SYCP2L: variants seen among roughly 807,000 people sequenced by gnomAD.
SYCP2L encodes synaptonemal complex protein 2-like.
SYCP2L carries 98 observed loss-of-function variants against 125.8 expected under a neutral mutation model. That is an observed-to-expected ratio of 0.78 (90% CI 0.66 to 0.92). The LOEUF (loss-of-function observed/expected upper bound fraction) is 0.92, where lower values mean the gene tolerates loss of function less well. Among genes scored for constraint, SYCP2L ranks in the 40% least tolerant of loss-of-function variants. The probability of loss-of-function intolerance (pLI) is 0.00; values close to 1 mark genes in which losing one functional copy is unlikely to be tolerated. For missense variants in SYCP2L, 842 were observed against 936.4 expected (o/e 0.90, Z 1.32); for synonymous variants, 317 against 325.4 (o/e 0.97, Z 0.28).
At chr6:10,906,416 C>G (rs981001956) in intron 9 of SYCP2L, among the ~76,000 whole-genome samples, 2 of 152,072 alleles carry the variant, frequency 1.3e-5, no homozygotes. Context: ...TATTTTTCTA[C>G]TTTTACTCTG....
chr6:10,893,905 A>G lies in SYCP2L; in HGVS notation c.117A>G (p.Gly39=). ...SLITDAFHDK[G]FQKIKEYFQQ... ...TTACGGATGCATTCCATGATAAAGG[A>G]TTTCAGAAAATAAAAGAATACTTTC... The change falls in exon 3 of 30, where the codon GGA becomes GGG. Residue 39 remains glycine, a synonymous_variant. Coordinates refer to ENST00000283141, the MANE Select transcript of SYCP2L (RefSeq NM_001040274.3). 1.2e-6 allele frequency: 2 copies of G among 1,610,820 alleles called. No homozygotes were observed. Among genetic ancestry groups the G allele is most frequent in the Non-Finnish European group, 1.7e-6 (2 of 1,179,290 alleles).
intron 1 of SYCP2L, among the ~76,000 whole-genome samples, chr6:10,888,401 A>T (rs1780118613): frequency 6.6e-6 from 1 of 151,858 alleles, no homozygotes; most frequent in Non-Finnish European, 1.5e-5. Context: ...GGCTATCATC[A>T]TGTTTTTTAA....
chr6:10,900,445 C>T (rs978589400), intron 6 of SYCP2L, among the ~76,000 whole-genome samples: 4 of 151,978 alleles, frequency 2.6e-5, no homozygotes, highest in African/African-American at 7.3e-5. Context: ...CTCTGCCTCC[C>T]GGGTTCAAGC....
intron 14 of SYCP2L, among the ~76,000 whole-genome samples, chr6:10,918,873 C>T (rs1486345561): frequency 6.6e-6 from 1 of 152,172 alleles, no homozygotes; most frequent in African/African-American, 2.4e-5. Flanking sequence ...ATTGCTGAGA[C>T]TTTCCAGAGC....
chr6:10,969,856 G>C (rs1781742707), intron 29 of SYCP2L, among the ~76,000 whole-genome samples: 1 of 152,154 alleles, frequency 6.6e-6, no homozygotes, highest in Non-Finnish European at 1.5e-5. Flanking sequence ...ATGTTTAACA[G>C]TAAGTGAAAA....
At chr6:10,892,836 G>A (rs1323467008) in intron 2 of SYCP2L, among the ~76,000 whole-genome samples, 2 of 152,252 alleles carry the variant, frequency 1.3e-5, no homozygotes, top group Non-Finnish European at 2.9e-5. Flanking sequence ...AATTTTAAAT[G>A]CTGTTTTCCC....
rs754445519 is a variant in SYCP2L at position 10,903,014 on chromosome 6, T to C, written c.641+51T>C. 6.2e-6 allele frequency: 9 copies of C among 1,446,530 alleles called. No homozygotes were observed. In the Admixed American group the frequency reaches 1.5e-4, roughly 24 times the overall value. 89.6% of individuals were successfully genotyped at this position (1,446,530 alleles called of 1,614,324 possible). On this transcript the variant is annotated intron_variant, in intron 8 of 29. Transcript: ENST00000283141. ...GCTGTAGTAAGGGTAAAATCTCTCA[T>C]GAGTGTATGGCTTCAGTCTGTGTTC...
chr6:10,948,653 T>C (rs1224290121), intron 23 of SYCP2L, among the ~76,000 whole-genome samples: 1 of 152,172 alleles, frequency 6.6e-6, no homozygotes, highest in Non-Finnish European at 1.5e-5. Context: ...TCTACACTCA[T>C]GAGTGGAACA....
chr6:10,902,067 G>A (rs943987373), intron 6 of SYCP2L, among the ~76,000 whole-genome samples: 67 of 152,220 alleles, frequency 4.4e-4, no homozygotes, highest in African/African-American at 1.5e-3. Context: ...CAGTCACTAT[G>A]AAAGGATAAA....
intron 14 of SYCP2L, among the ~76,000 whole-genome samples, chr6:10,917,478 T>C (rs1284528304): frequency 1.3e-5 from 2 of 152,238 alleles, no homozygotes; most frequent in Non-Finnish European, 2.9e-5. Flanking sequence ...TGCTCGCTTT[T>C]GGTGTCCTTT....
Position 10,902,868 on chromosome 6 carries a change from C to T in SYCP2L, c.553-7C>T. On this transcript the variant is annotated splice_region_variant and splice_polypyrimidine_tract_variant and intron_variant, in intron 7 of 29. Coordinates refer to ENST00000283141, the MANE Select transcript of SYCP2L (RefSeq NM_001040274.3). ...TTCTCCATGAATGTCTTCTCAATTC[C>T]AAAAAGGGCTTGAAGACTTTTAACT... is the stretch of plus-strand genomic sequence containing the variant. 1 of 1,613,750 alleles carries T rather than the reference C, an allele frequency of 6.2e-7. No individual in the cohort carries two copies. Among genetic ancestry groups the T allele is most frequent in the Non-Finnish European group, 8.5e-7 (1 of 1,179,882 alleles).
At position 10,898,004 on chromosome 6, in the gene SYCP2L, T is replaced by G. The variant is rs1243642259; in HGVS notation, c.337-7T>G. On this transcript the variant is annotated splice_region_variant and splice_polypyrimidine_tract_variant and intron_variant, in intron 4 of 29. Transcript: ENST00000283141. ...TTATGTAGTTACGTTAGTGTCCTCC[T>G]GTGTACCTAGTTTCCTGGTTTGAAA... The G allele has an allele frequency of 6.2e-7, 1 of 1,605,488 alleles. No individual in the cohort carries two copies. The highest frequency in any genetic ancestry group is 2.2e-5 in the East Asian group (1 of 44,832).
At chr6:10,902,581 A>G (rs1780396897) in intron 6 of SYCP2L, 96 bp from the exon 7 acceptor site, 1 of 1,017,818 alleles carries the variant, frequency 9.8e-7, no homozygotes. Flanking sequence ...TAGAAAAGCC[A>G]GAACGACATC....
At chr6:10,893,735 A>G (rs1487335876) in intron 2 of SYCP2L, 132 bp from the exon 3 acceptor site, 3 of 977,210 alleles carry the variant, frequency 3.1e-6, no homozygotes, top group Non-Finnish European at 4.5e-6. Flanking sequence ...TATTCAAGAT[A>G]GAGATCTCCA....
In SYCP2L at chr6:10,893,896, T is replaced by C; in HGVS notation, c.108T>C (p.His36=). The C allele has an allele frequency of 6.2e-7, 1 of 1,610,122 alleles. No individual in the cohort carries two copies. Among genetic ancestry groups the C allele is most frequent in the South Asian group, 1.1e-5 (1 of 89,426 alleles). Residue 36 remains histidine (H), a synonymous_variant, in exon 3 of 30, where the codon CAT becomes CAC. Coordinates refer to ENST00000283141, the MANE Select transcript of SYCP2L (RefSeq NM_001040274.3). ...WLQSLITDAF[H]DKGFQKIKEY... ...AATCACTTATTACGGATGCATTCCA[T>C]GATAAAGGATTTCAGAAAATAAAAG...
At chr6:10,958,227 G>C (rs1781537696) in intron 25 of SYCP2L, among the ~76,000 whole-genome samples, 1 of 150,276 alleles carries the variant, frequency 6.7e-6, no homozygotes, top group African/African-American at 2.5e-5. Context: ...TTTAAAAAAA[G>C]AGGTTTAATT....
chr6:10,949,225 T>C (rs1781367725), intron 23 of SYCP2L, among the ~76,000 whole-genome samples: 1 of 152,168 alleles, frequency 6.6e-6, no homozygotes, highest in Non-Finnish European at 1.5e-5. Context: ...TAAATACTCA[T>C]TTGTTTTTAA....
intron 14 of SYCP2L, among the ~76,000 whole-genome samples, chr6:10,914,798 G>C (rs958758214): frequency 1.4e-5 from 2 of 140,018 alleles, no homozygotes; most frequent in Non-Finnish European, 3.0e-5. Flanking sequence ...GCTGGAGTGA[G>C]TACAGTGGTG....
chr6:10,941,464 C>A (rs1252234040), intron 21 of SYCP2L, among the ~76,000 whole-genome samples: 1 of 152,146 alleles, frequency 6.6e-6, no homozygotes, highest in Non-Finnish European at 1.5e-5. Context: ...AAGAAAAAAA[C>A]AACCCCATCC....
Sources: allele counts gnomAD v4.1 joint callset (sites outside exome capture counted in the v4.1 genomes callset), GRCh38; gene constraint gnomAD v4.1.1; transcripts MANE v1.5; gene names NCBI Gene and HGNC (gene_info 2026-07-23, HGNC 2026-07-21).